AOAH: variants seen among roughly 807,000 people sequenced by gnomAD.
AOAH encodes acyloxyacyl hydrolase.
In AOAH, 64 loss-of-function variants were observed where a neutral mutation model predicts 92.2. The ratio of observed to expected loss-of-function variants is 0.69; its 90% CI spans 0.57 to 0.86. The LOEUF (loss-of-function observed/expected upper bound fraction) is 0.86. AOAH is among the 40% of genes least tolerant of loss of function. The probability of loss-of-function intolerance (pLI) is 0.00; values close to 1 mark genes in which losing one functional copy is unlikely to be tolerated. For missense variants in AOAH, 656 were observed against 694.6 expected, an observed-to-expected ratio of 0.94 and a Z score of 0.62; for synonymous variants, 263 against 254.5, an observed-to-expected ratio of 1.03 and a Z score of -0.32.
intron 20 of AOAH, among the ~76,000 whole-genome samples, chr7:36,517,945 CCACACACACACACACA>C (rs1292173983): frequency 1.7e-4 from 2 of 11,498 alleles, no homozygotes; most frequent in Non-Finnish European, 4.2e-4. Context: ...ACACACACAC[CCACACACACACACACA>C]CACACACACG....
At chr7:36,514,397 G>A in intron 20 of AOAH, 1 of 1,188,774 alleles carries the variant, frequency 8.4e-7, no homozygotes, top group Non-Finnish European at 1.2e-6. Flanking sequence ...AGGGAGTCTG[G>A]CTGAAGTGCC....
intron 6 of AOAH, among the ~76,000 whole-genome samples, chr7:36,626,792 T>C (rs143253178): frequency 3.9e-5 from 6 of 152,328 alleles, no homozygotes; most frequent in African/African-American, 1.4e-4. Flanking sequence ...GTTTTTGTGT[T>C]TGTTTTTATA....
intron 2 of AOAH, 24 bp from the exon 3 acceptor site, chr7:36,674,033 T>C (rs1796095777): frequency 2.1e-6 from 3 of 1,447,696 alleles, no homozygotes; most frequent in South Asian, 1.2e-5. Context: ...AGAGGGAAAT[T>C]GAATATATTT....
At chr7:36,662,477 T>C (rs1259636571) in intron 3 of AOAH, among the ~76,000 whole-genome samples, 1 of 152,242 alleles carries the variant, frequency 6.6e-6, no homozygotes, top group Admixed American at 6.5e-5. Flanking sequence ...AACTAATGTC[T>C]ACCAGGGGTC....
chr7:36,617,206 C>T (rs997190641), intron 10 of AOAH, among the ~76,000 whole-genome samples: 7 of 152,190 alleles, frequency 4.6e-5, no homozygotes, highest in African/African-American at 1.7e-4. Flanking sequence ...GCTCCCCAGG[C>T]TGGGCTTCAT....
chr7:36,724,056 G>A lies in AOAH; in HGVS notation c.93C>T (p.Ser31=). Residue 31 remains serine (S), a synonymous_variant, in exon 1 of 21, where the codon TCC becomes TCT. Coordinates refer to ENST00000617537, the MANE Select transcript of AOAH (RefSeq NM_001637.4). ...TGTGCCCATTCGAGAGGCTGGGCCT[G>A]GACTGGTCATCGTTGGCTGGAGAGG... is the stretch of plus-strand genomic sequence containing the variant. ...SSASPANDDQ[S]RPSLSNGHTC... is the part of the protein sequence containing the mutation. 6.2e-7 allele frequency: 1 copy of A among 1,613,710 alleles called. No individual in the cohort carries two copies. Among genetic ancestry groups the A allele is most frequent in the African/African-American group, 1.3e-5 (1 of 75,008 alleles).
intron 16 of AOAH, among the ~76,000 whole-genome samples, chr7:36,538,888 G>A (rs1785246209): frequency 6.6e-6 from 1 of 152,242 alleles, no homozygotes; most frequent in East Asian, 1.9e-4. Context: ...AACTCAAGAG[G>A]AAAATGGTTT....
In AOAH at chr7:36,548,592, A is replaced by G. The variant is rs754094926; in HGVS notation, c.1133+20T>C. ...CCCAGAGCCAAAGAATCTTGAAAAT[A>G]CTTTTTCTCAATAACTCACCCACTG... is the stretch of plus-strand genomic sequence containing the variant. On this transcript the variant is annotated intron_variant, in intron 15 of 20. Transcript: ENST00000617537. The G allele has an allele frequency of 1.4e-5, 22 of 1,605,540 alleles. No homozygotes were observed. Among genetic ancestry groups the G allele is most frequent in the Admixed American group, 1.3e-4 (8 of 59,946 alleles).
At chr7:36,663,804 T>C (rs1301058247) in intron 3 of AOAH, among the ~76,000 whole-genome samples, 2 of 152,240 alleles carry the variant, frequency 1.3e-5, no homozygotes, top group Non-Finnish European at 1.5e-5. Context: ...TTCAGTTCAA[T>C]TGGGTAAATA....
intron 13 of AOAH, among the ~76,000 whole-genome samples, chr7:36,554,776 C>T (rs1786565820): frequency 6.6e-6 from 1 of 150,880 alleles, no homozygotes; most frequent in African/African-American, 2.4e-5. Flanking sequence ...CATGATTTGG[C>T]TCTCTGTTTG....
chr7:36,600,869 G>T (rs903588648), intron 11 of AOAH, among the ~76,000 whole-genome samples: 1 of 152,186 alleles, frequency 6.6e-6, no homozygotes, highest in Non-Finnish European at 1.5e-5. Flanking sequence ...GAGAGCTGCC[G>T]CCATCTTTTC....
chr7:36,708,821 T>C (rs992419624), intron 1 of AOAH, among the ~76,000 whole-genome samples: 1 of 152,188 alleles, frequency 6.6e-6, no homozygotes, highest in Non-Finnish European at 1.5e-5. Context: ...TGTGTCTACA[T>C]AGCTTAGAGT....
chr7:36,672,863 A>C (rs145604403), intron 3 of AOAH, among the ~76,000 whole-genome samples: 1 of 152,270 alleles, frequency 6.6e-6, no homozygotes, highest in Non-Finnish European at 1.5e-5. Context: ...TTTATGTGTA[A>C]TAAATTATAA....
Position 36,532,329 on chromosome 7 carries a change from T to A in AOAH, c.1322A>T (p.Asp441Val), listed in dbSNP as rs1458506058. Residue 441 changes from aspartate to valine, a missense_variant, in exon 17 of 21, where the codon GAC becomes GTC. By Grantham distance (152) the Asp-to-Val change is radical. Transcript: ENST00000617537. ...GGAGTACAACTGCGCATAGGTCATGTCTTTATTTAGCTGGCCTGGAAAACA... is the reference window on the plus strand; with the variant it reads ...GGAGTACAACTGCGCATAGGTCATGACTTTATTTAGCTGGCCTGGAAAACA... Reference protein sequence around the residue: ...RYHPLGQLNKDMTYAQLYSFL... With the variant: ...RYHPLGQLNKVMTYAQLYSFL... 2 of 1,613,764 alleles carry A rather than the reference T, an allele frequency of 1.2e-6. No individual in the cohort carries two copies. Among genetic ancestry groups the A allele is most frequent in the Non-Finnish European group, 1.7e-6 (2 of 1,180,036 alleles).
intron 11 of AOAH, among the ~76,000 whole-genome samples, chr7:36,606,222 G>A (rs191283942): frequency 1.1e-3 from 166 of 152,316 alleles, no homozygotes; most frequent in African/African-American, 4.0e-3. Context: ...AGCAGGGCGG[G>A]TGAGTGAGCG....
chr7:36,619,425 T>C (rs1792125383), intron 9 of AOAH, among the ~76,000 whole-genome samples: 1 of 152,194 alleles, frequency 6.6e-6, no homozygotes, highest in African/African-American at 2.4e-5. Context: ...CCTCCTTATA[T>C]GGGTGACACA....
rs191341205 is a variant in AOAH, at chr7:36,693,066, G to A, written c.128-6272C>T. On this transcript the variant is annotated intron_variant, in intron 1 of 20. Coordinates refer to ENST00000617537, the MANE Select transcript of AOAH (RefSeq NM_001637.4). Reference sequence around the variant, plus strand: ...ATTCAGAGTCAGTGGGAATGGAAGAGTGAGAGAGGTAGGAAGGGGCTAGAT... The same window carrying A: ...ATTCAGAGTCAGTGGGAATGGAAGAATGAGAGAGGTAGGAAGGGGCTAGAT... Among the ~76,000 whole-genome samples, 7 of 152,342 alleles carry A rather than the reference G, an allele frequency of 4.6e-5. No homozygotes were observed. In the East Asian group the frequency reaches 1.3e-3, roughly 29 times the overall value.
chr7:36,579,014 G>A (rs1353905399), intron 12 of AOAH, among the ~76,000 whole-genome samples: 2 of 152,112 alleles, frequency 1.3e-5, no homozygotes, highest in African/African-American at 4.8e-5. Context: ...AGGAGAACAA[G>A]CAAATGTGCT....
At chr7:36,673,760 C>CTCCCCTT (rs1184142050) in intron 3 of AOAH, among the ~76,000 whole-genome samples, 183 bp downstream of exon 3, 7 of 152,050 alleles carry the variant, frequency 4.6e-5, no homozygotes, top group Admixed American at 4.6e-4. Flanking sequence ...GGAGCCTTTG[C>CTCCCCTT]GTAGAGTGAC....
Sources: allele counts gnomAD v4.1 joint callset (sites outside exome capture counted in the v4.1 genomes callset), GRCh38; gene constraint gnomAD v4.1.1; transcripts MANE v1.5; gene names NCBI Gene and HGNC (gene_info 2026-07-23, HGNC 2026-07-21).